The following ZNF721 variants were observed in gnomAD, a reference collection of about 807,000 sequenced individuals.
The protein encoded by ZNF721 is zinc finger protein 721.
ZNF721 carries 2 observed loss-of-function variants against 2.4 expected under a neutral mutation model. The observed-to-expected ratio is 0.82, with a 90% CI of 0.34 to 2.58. The LOEUF is 2.58. Among genes scored for constraint, ZNF721 ranks in the 30% most tolerant of loss-of-function variants. ZNF721 has a pLI of 0.11. For missense variants in ZNF721, 1,187 were observed against 1,085.5 expected (o/e 1.09, Z -1.31); for synonymous variants, 398 against 381.8 (o/e 1.04, Z -0.50).
At chr4:452,859 T>A (rs1343845234) in intron 2 of ZNF721, among the ~76,000 whole-genome samples, 3 of 152,184 alleles carry the variant, frequency 2.0e-5, no homozygotes, top group African/African-American at 7.2e-5. Flanking sequence ...TCCCCAATAC[T>A]CACCAGATAG....
chr4:492,593 G>C (rs1576974757), intron 1 of ZNF721, among the ~76,000 whole-genome samples: 1 of 148,256 alleles, frequency 6.7e-6, no homozygotes, highest in Admixed American at 6.7e-5. Flanking sequence ...AAGACAACTT[G>C]ATCATATAAA....
intron 2 of ZNF721, among the ~76,000 whole-genome samples, chr4:447,297 G>A (rs1037174910): frequency 6.6e-6 from 1 of 151,898 alleles, no homozygotes; most frequent in African/African-American, 2.4e-5. Flanking sequence ...ACTCCATCCT[G>A]GGTGACTGAG....
intron 1 of ZNF721, among the ~76,000 whole-genome samples, chr4:488,963 C>T (rs1413466983): frequency 6.6e-6 from 1 of 152,168 alleles, no homozygotes; most frequent in Non-Finnish European, 1.5e-5. Context: ...CACACCTGCA[C>T]TACCCCAGTA....
intron 2 of ZNF721, among the ~76,000 whole-genome samples, chr4:467,869 G>A (rs1358719532): frequency 6.6e-6 from 1 of 152,192 alleles, no homozygotes; most frequent in Non-Finnish European, 1.5e-5. Flanking sequence ...GGGCGCGGTG[G>A]CTCACGCCTG....
At chr4:491,120 G>C (rs1553871409) in intron 1 of ZNF721, among the ~76,000 whole-genome samples, 1 of 151,998 alleles carries the variant, frequency 6.6e-6, no homozygotes, top group Non-Finnish European at 1.5e-5. Context: ...TCTGGCTTTT[G>C]GGGGCTTTAC....
At chr4:498,863 G>A (rs1413455194) in intron 1 of ZNF721, among the ~76,000 whole-genome samples, 193 bp downstream of exon 1, 5 of 151,622 alleles carry the variant, frequency 3.3e-5, no homozygotes, top group Admixed American at 1.3e-4. Context: ...TAGCTGGGAC[G>A]ACAGGCACCC....
At chr4:460,221 G>T (rs1365205468) in intron 2 of ZNF721, among the ~76,000 whole-genome samples, 1 of 152,080 alleles carries the variant, frequency 6.6e-6, no homozygotes, top group Non-Finnish European at 1.5e-5. Context: ...AAATGCAGAA[G>T]AAAGAAAATT....
At chr4:482,288 T>C (rs1282010576) in intron 1 of ZNF721, among the ~76,000 whole-genome samples, 1 of 152,122 alleles carries the variant, frequency 6.6e-6, no homozygotes, top group Admixed American at 6.6e-5. Context: ...CTCAACCTCC[T>C]GAGCCACTAG....
rs930548341 is a variant in ZNF721, at chr4:474,040, G to A, written c.-93-1339C>T. 2.3e-5 allele frequency: 34 copies of A among 1,488,686 alleles called. No individual in the cohort carries two copies. In the African/African-American group the frequency reaches 2.7e-4, roughly 12 times the overall value. The allele number at this position is 1,488,686 out of a possible 1,614,324, so 92.2% of individuals were successfully genotyped here. A position where few individuals can be genotyped will look rare whatever the true frequency, so the allele number is the denominator to read the frequency against. ...GCTACGAATCATCCAATACCCGCAGGTTACAGAGCGATGGAGGCTGAGGCT... is the reference window on the plus strand; with the variant it reads ...GCTACGAATCATCCAATACCCGCAGATTACAGAGCGATGGAGGCTGAGGCT... On this transcript the variant is annotated intron_variant, in intron 1 of 2. Coordinates refer to ENST00000511833, the MANE Select transcript of ZNF721 (RefSeq NM_133474.4).
intron 1 of ZNF721, chr4:474,186 A>G: frequency 2.2e-6 from 1 of 463,836 alleles, no homozygotes; most frequent in South Asian, 1.9e-5. Context: ...CCCTCCTCTC[A>G]GACTGCGCGC....
intron 2 of ZNF721, among the ~76,000 whole-genome samples, chr4:468,393 A>T (rs2108708848): frequency 6.6e-6 from 1 of 151,888 alleles, no homozygotes; most frequent in Non-Finnish European, 1.5e-5. Flanking sequence ...TCATGGCACT[A>T]CACTCCAGCC....
intron 1 of ZNF721, among the ~76,000 whole-genome samples, chr4:497,153 G>A (rs1716174125): frequency 1.3e-5 from 2 of 151,526 alleles, no homozygotes; most frequent in African/African-American, 2.4e-5. Flanking sequence ...AGCTGAAGAC[G>A]GCTATCTGTC....
At chr4:461,535 C>G (rs551811672) in intron 2 of ZNF721, among the ~76,000 whole-genome samples, 12 of 152,306 alleles carry the variant, frequency 7.9e-5, no homozygotes, top group African/African-American at 2.9e-4. Flanking sequence ...CCTTTGAAAA[C>G]TGGGACAAGA....
chr4:494,328 C>T (rs1003218855), intron 1 of ZNF721, among the ~76,000 whole-genome samples: 2 of 151,614 alleles, frequency 1.3e-5, no homozygotes, highest in Admixed American at 6.6e-5. Context: ...ACTACAGGCG[C>T]CCGCCACCAT....
At chr4:483,413 A>G (rs1199776746) in intron 1 of ZNF721, among the ~76,000 whole-genome samples, 1 of 152,060 alleles carries the variant, frequency 6.6e-6, no homozygotes, top group Admixed American at 6.6e-5. Context: ...TTAGCTGGGC[A>G]TGGTGGTGAG....
chr4:447,980 C>T (rs946801444), intron 2 of ZNF721, among the ~76,000 whole-genome samples: 7 of 152,010 alleles, frequency 4.6e-5, no homozygotes, highest in African/African-American at 1.7e-4. Flanking sequence ...TATTTAAATA[C>T]CCCAATTTCT....
intron 2 of ZNF721, among the ~76,000 whole-genome samples, chr4:455,096 T>C (rs987635016): frequency 7.9e-5 from 12 of 152,196 alleles, no homozygotes; most frequent in South Asian, 4.1e-4. Context: ...GTCTGGTGAA[T>C]GTAAATATAT....
intron 1 of ZNF721, among the ~76,000 whole-genome samples, chr4:497,914 A>C (rs1247258079): frequency 6.9e-6 from 1 of 144,978 alleles, no homozygotes; most frequent in East Asian, 2.1e-4. Flanking sequence ...AAACCAACAA[A>C]AAAAAAACAG....
chr4:450,128 A>C (rs781787549), intron 2 of ZNF721, among the ~76,000 whole-genome samples: 25 of 152,204 alleles, frequency 1.6e-4, no homozygotes, highest in Non-Finnish European at 3.1e-4. Context: ...TTCTATTTTT[A>C]ATTTTTTAAT....
Sources: gnomAD v4.1 joint callset for allele counts (sites outside exome capture counted in the v4.1 genomes callset) on GRCh38, gnomAD v4.1.1 for gene constraint, MANE v1.5 for transcripts, NCBI Gene and HGNC (gene_info 2026-07-23, HGNC 2026-07-21) for gene names.